Variants in SLC25A21 observed in about 807,000 individuals in gnomAD.
SLC25A21 encodes mitochondrial 2-oxodicarboxylate carrier.
In SLC25A21, 47 loss-of-function variants were observed where a neutral mutation model predicts 43.8. That is an observed-to-expected ratio of 1.07 (90% CI 0.85 to 1.37). The LOEUF (loss-of-function observed/expected upper bound fraction) is 1.37, where lower values mean the gene tolerates loss of function less well. SLC25A21 is among the 40% of genes most tolerant of loss of function. SLC25A21 has a pLI of 0.00. For missense variants in SLC25A21, 352 were observed against 350.2 expected (o/e 1.00, Z -0.04); for synonymous variants, 131 against 121.3 (o/e 1.08, Z -0.52).
intron 6 of SLC25A21, among the ~76,000 whole-genome samples, chr14:36,716,305 A>G (rs1884132302): frequency 6.6e-6 from 1 of 152,158 alleles, no homozygotes; most frequent in Non-Finnish European, 1.5e-5. Context: ...AAGCGTCAGC[A>G]GGATGAACAA....
intron 1 of SLC25A21, among the ~76,000 whole-genome samples, chr14:36,925,617 C>T (rs1892108612): frequency 6.6e-6 from 1 of 152,132 alleles, no homozygotes; most frequent in South Asian, 2.1e-4. Flanking sequence ...GAGGCTGTGG[C>T]AGGTGGATCA....
intron 1 of SLC25A21, among the ~76,000 whole-genome samples, chr14:37,015,390 C>T (rs893809484): frequency 6.6e-6 from 1 of 151,892 alleles, no homozygotes; most frequent in African/African-American, 2.4e-5. Flanking sequence ...TTTATGGCTG[C>T]ATAGTATTCC....
At chr14:36,876,301 T>C (rs1284198258) in intron 1 of SLC25A21, among the ~76,000 whole-genome samples, 1 of 152,200 alleles carries the variant, frequency 6.6e-6, no homozygotes, top group African/African-American at 2.4e-5. Flanking sequence ...GCAGAAGCCT[T>C]AGGAAGTTTT....
At chr14:37,166,010 A>G (rs982315928) in intron 1 of SLC25A21, among the ~76,000 whole-genome samples, 1 of 152,160 alleles carries the variant, frequency 6.6e-6, no homozygotes, top group Admixed American at 6.5e-5. Flanking sequence ...AGATCTTGGG[A>G]TCCCTAACAT....
chr14:36,724,093 C>G (rs10142400), intron 6 of SLC25A21, among the ~76,000 whole-genome samples: 29,832 of 152,132 alleles, frequency 0.2, 3,172 homozygotes, highest in Admixed American at 0.33. Flanking sequence ...TCCCCCTGTT[C>G]CGCACCATCT....
intron 1 of SLC25A21, among the ~76,000 whole-genome samples, chr14:36,896,791 C>T (rs1235932774): frequency 6.6e-6 from 1 of 152,280 alleles, no homozygotes; most frequent in South Asian, 2.1e-4. Context: ...TTCTCCTTCA[C>T]TTCTGAAGCT....
intron 3 of SLC25A21, among the ~76,000 whole-genome samples, chr14:36,737,462 T>C (rs1421872608): frequency 6.6e-5 from 10 of 152,096 alleles, no homozygotes; most frequent in Non-Finnish European, 1.5e-4. Context: ...CCTCCTCCCA[T>C]ACCACCATCC....
At chr14:36,918,091 G>A (rs1305427613) in intron 1 of SLC25A21, among the ~76,000 whole-genome samples, 1 of 152,140 alleles carries the variant, frequency 6.6e-6, no homozygotes, top group Non-Finnish European at 1.5e-5. Context: ...ACTCTGCGAT[G>A]CAGATGAATG....
intron 1 of SLC25A21, among the ~76,000 whole-genome samples, chr14:37,073,236 C>T (rs11156933): frequency 0.028 from 4,293 of 152,290 alleles, 84 homozygotes; most frequent in Middle Eastern, 0.048. Flanking sequence ...TTGTATAGAC[C>T]TTGTTAGAAT....
At chr14:37,056,287 A>G (rs78338232) in intron 1 of SLC25A21, among the ~76,000 whole-genome samples, 123 of 152,112 alleles carry the variant, frequency 8.1e-4, no homozygotes, top group African/African-American at 2.6e-3. Context: ...TCAGGAGATC[A>G]AGACCATCCT....
chr14:36,952,902 T>C (rs1444486204), intron 1 of SLC25A21, among the ~76,000 whole-genome samples: 2 of 152,232 alleles, frequency 1.3e-5, no homozygotes, highest in Non-Finnish European at 2.9e-5. Flanking sequence ...TTCTCTCAAA[T>C]GACGGGCTAT....
chr14:37,013,728 C>G (rs759599620), intron 1 of SLC25A21, among the ~76,000 whole-genome samples: 18 of 152,050 alleles, frequency 1.2e-4, no homozygotes, highest in Non-Finnish European at 1.5e-5. Context: ...GTGAGTAGGC[C>G]AGCGTTTATT....
At chr14:36,968,567 G>T (rs554451107) in intron 1 of SLC25A21, among the ~76,000 whole-genome samples, 4 of 152,152 alleles carry the variant, frequency 2.6e-5, no homozygotes, top group Non-Finnish European at 5.9e-5. Context: ...TTCTTAATAG[G>T]CTTCTGCACA....
At chr14:37,045,892 G>A (rs1032455652) in intron 1 of SLC25A21, among the ~76,000 whole-genome samples, 7 of 152,174 alleles carry the variant, frequency 4.6e-5, no homozygotes, top group Admixed American at 6.5e-5. Context: ...TTGGGAATAT[G>A]CTAAGCATGG....
At chr14:36,879,712 T>G (rs976469466) in intron 1 of SLC25A21, among the ~76,000 whole-genome samples, 2 of 152,126 alleles carry the variant, frequency 1.3e-5, no homozygotes, top group Admixed American at 1.3e-4. Flanking sequence ...CCAGACTTCA[T>G]CTTTTCTGAG....
chr14:36,699,040 C>A (rs966031988), intron 7 of SLC25A21, among the ~76,000 whole-genome samples: 2 of 151,454 alleles, frequency 1.3e-5, no homozygotes, highest in African/African-American at 4.9e-5. Flanking sequence ...GATCTGGTTT[C>A]TCCCCATCTT....
chr14:36,679,511 C>CAGAT lies in SLC25A21; in HGVS notation c.*1143_*1146dup. ...ACTGAATCAGCATCATCTCTGGATG[C>CAGAT]AGATATAAAATCAAGTTTGGTTACA... is the stretch of plus-strand genomic sequence containing the variant. On this transcript the variant is annotated 3_prime_UTR_variant, in exon 10 of 10. Coordinates refer to ENST00000331299, the MANE Select transcript of SLC25A21 (RefSeq NM_030631.4). 2.0e-6 allele frequency: 2 copies of CAGAT among 985,348 alleles called. No homozygotes were observed. The highest frequency in any genetic ancestry group is 2.4e-6 in the Non-Finnish European group (2 of 829,912). The allele number at this position is 985,348 out of a possible 1,614,324, so 61.0% of individuals were successfully genotyped here.
chr14:36,918,622 A>C (rs17105696), intron 1 of SLC25A21, among the ~76,000 whole-genome samples: 2 of 151,972 alleles, frequency 1.3e-5, no homozygotes, highest in Non-Finnish European at 2.9e-5. Flanking sequence ...TACTATCCAC[A>C]ATAATTGTGT....
At chr14:37,062,581 T>C (rs1566852834) in intron 1 of SLC25A21, among the ~76,000 whole-genome samples, 1 of 152,178 alleles carries the variant, frequency 6.6e-6, no homozygotes, top group Non-Finnish European at 1.5e-5. Flanking sequence ...CTGTTTGCAC[T>C]CCAGGTCAAC....
Sources: gnomAD v4.1 joint callset for allele counts (sites outside exome capture counted in the v4.1 genomes callset) on GRCh38, gnomAD v4.1.1 for gene constraint, MANE v1.5 for transcripts, NCBI Gene and HGNC (gene_info 2026-07-23, HGNC 2026-07-21) for gene names.